The following TPM1 variants were observed in gnomAD, a reference collection of about 807,000 sequenced individuals.
TPM1 encodes the protein tropomyosin alpha-1 chain.
TPM1 carries 24 observed loss-of-function variants against 42.9 expected under a neutral mutation model. The ratio of observed to expected loss-of-function variants is 0.56; its 90% CI spans 0.41 to 0.79. The LOEUF (loss-of-function observed/expected upper bound fraction) is 0.79. Among genes scored for constraint, TPM1 ranks in the 30% least tolerant of loss-of-function variants. TPM1 has a pLI of 0.00. For synonymous variants in TPM1, 136 were observed against 130.1 expected (o/e 1.05, Z -0.31); for missense variants, 158 against 351.8 (o/e 0.45, Z 4.41).
intron 7 of TPM1, 119 bp downstream of exon 7, chr15:63,062,396 C>T (rs1041229460): frequency 4.6e-6 from 6 of 1,302,756 alleles, no homozygotes; most frequent in Middle Eastern, 3.6e-4. Context: ...ATTCAAAGGT[C>T]GCCTTGGAGT....
Position 63,044,155 on chromosome 15 carries a change from A to C in TPM1, c.240+3A>C, listed in dbSNP as rs1555403436. 1 of 1,614,184 alleles carries C rather than the reference A, an allele frequency of 6.2e-7. No homozygotes were observed. The highest frequency in any genetic ancestry group is 8.5e-7 in the Non-Finnish European group (1 of 1,180,036). On this transcript the variant is annotated splice_donor_region_variant and intron_variant, in intron 2 of 9. Transcript: ENST00000403994. ...TGGCAGAGAAAAAGGCCACCGATGTAAGTGCACGCTCACACTGCTTCCCTC... is the reference window on the plus strand; with the variant it reads ...TGGCAGAGAAAAAGGCCACCGATGTCAGTGCACGCTCACACTGCTTCCCTC...
chr15:63,063,611 C>A (rs2035937092), intron 8 of TPM1, among the ~76,000 whole-genome samples: 1 of 152,186 alleles, frequency 6.6e-6, no homozygotes, highest in Non-Finnish European at 1.5e-5. Flanking sequence ...GCTGTAGTCA[C>A]AAATTGTTCT....
Position 63,056,991 on chromosome 15 carries a change from GC to G in TPM1, c.249del (p.Asp84ThrfsTer2). On this transcript the variant is annotated frameshift_variant, in exon 3 of 10. Transcript: ENST00000403994. LOFTEE classifies it high-confidence loss of function. ...CTTTTCACTCTCTACCTAGGCTGAA[GC>G]CGACGTAGCTTCTCTGAACAGACGC... is the stretch of plus-strand genomic sequence containing the variant. ...LAEKKATDAE[A>X]DVASLNRRIQ... The G allele has an allele frequency of 1.2e-6, 2 of 1,614,208 alleles. No homozygotes were observed. Among genetic ancestry groups the G allele is most frequent in the Non-Finnish European group, 1.7e-6 (2 of 1,180,038 alleles).
At chr15:63,052,870 A>G (rs2034159807) in intron 2 of TPM1, among the ~76,000 whole-genome samples, 1 of 152,232 alleles carries the variant, frequency 6.6e-6, no homozygotes. Context: ...AAAATAAGAA[A>G]GAGAAAAAAG....
At chr15:63,058,090 A>G (rs1381957236) in intron 3 of TPM1, among the ~76,000 whole-genome samples, 1 of 152,214 alleles carries the variant, frequency 6.6e-6, no homozygotes, top group Non-Finnish European at 1.5e-5. Flanking sequence ...TTTTTAGGCC[A>G]TTATTCACCG....
At chr15:63,053,931 G>C (rs538885809) in intron 2 of TPM1, among the ~76,000 whole-genome samples, 1 of 151,778 alleles carries the variant, frequency 6.6e-6, no homozygotes, top group Admixed American at 6.6e-5. Flanking sequence ...TGCCCGCCTC[G>C]GCCTCCCAAA....
chr15:63,070,583 G>C, downstream of TPM1: 1 of 1,008,272 alleles, frequency 9.9e-7, no homozygotes, highest in Non-Finnish European at 1.2e-6. Context: ...CATGAAACAT[G>C]TTGACAATTT....
intron 1 of TPM1, chr15:63,043,218 A>G (rs1458756019): frequency 5.8e-6 from 3 of 518,698 alleles, no homozygotes; most frequent in Non-Finnish European, 1.1e-5. Flanking sequence ...AGGACTGGGA[A>G]TCAGTTTGGG....
chr15:63,044,518 A>C (rs369908659), intron 2 of TPM1: 1 of 519,218 alleles, frequency 1.9e-6, no homozygotes, highest in Non-Finnish European at 3.4e-6. Context: ...GGTTTTCTTC[A>C]CTTTCTTTCC....
In TPM1 at chr15:63,064,503, A is replaced by AT. The variant is rs2036050053; in HGVS notation, c.851+364dup. 4.5e-6 allele frequency: 5 copies of AT among 1,099,288 alleles called. No individual in the cohort carries two copies. In the South Asian group the frequency reaches 1.3e-4, roughly 30 times the overall value. 68.1% of individuals were successfully genotyped at this position (1,099,288 alleles called of 1,614,324 possible). A position where few individuals can be genotyped will look rare whatever the true frequency, so the allele number is the denominator to read the frequency against. ...CAGGAACTTCTCAAAAAATATCAAA[A>AT]TTTGTTTCCTGAAATTCAACTAAGT... On this transcript the variant is annotated intron_variant, in intron 9 of 9. Transcript: ENST00000403994.
intron 2 of TPM1, chr15:63,056,559 C>T (rs183926226): frequency 1.1e-3 from 239 of 227,392 alleles, no homozygotes; most frequent in African/African-American, 5.4e-3. Context: ...CCCAACTACT[C>T]GGGAGGCTGA....
At chr15:63,048,734 GC>G (rs1596321260) in intron 2 of TPM1, 1 of 1,526,232 alleles carries the variant, frequency 6.6e-7, no homozygotes, top group South Asian at 1.2e-5. Context: ...TCACCCCGCA[GC>G]CCCCAGAGGC....
At chr15:63,044,218 G>A in intron 2 of TPM1, 66 bp downstream of exon 2, 1 of 1,612,858 alleles carries the variant, frequency 6.2e-7, no homozygotes, top group Non-Finnish European at 8.5e-7. Context: ...GTCACCACAG[G>A]GCTGGAGAGC....
In TPM1 at chr15:63,062,485, T is replaced by C. The variant is rs976171947; in HGVS notation, c.703-91T>C. ...AGTTTCTGATCCATTTTATAGGTGA[T>C]GTGCTTCATTTTCATCCTCTAGTTT... On this transcript the variant is annotated intron_variant, in intron 7 of 9. Coordinates refer to ENST00000403994, the MANE Select transcript of TPM1 (RefSeq NM_001018005.2). The C allele has an allele frequency of 1.2e-5, 17 of 1,458,542 alleles. No homozygotes were observed. The African/African-American group carries it at 2.4e-4, about 20-fold the overall frequency. 90.4% of individuals were successfully genotyped at this position (1,458,542 alleles called of 1,614,324 possible). A position where few individuals can be genotyped will look rare whatever the true frequency, so the allele number is the denominator to read the frequency against.
chr15:63,061,312 C>T (rs1399386311), intron 5 of TPM1: 21 of 1,597,584 alleles, frequency 1.3e-5, no homozygotes, highest in Non-Finnish European at 1.8e-5. Context: ...TTAACTGCAA[C>T]CCAGACATCT....
At chr15:63,063,292 A>G (rs1400111202) in intron 8 of TPM1, 1 of 985,360 alleles carries the variant, frequency 1.0e-6, no homozygotes, top group Non-Finnish European at 1.2e-6. Context: ...AGAAGGGATT[A>G]GAGAAGGAAC....
chr15:63,066,228 A>C, downstream of TPM1: 1 of 1,267,472 alleles, frequency 7.9e-7, no homozygotes, highest in Non-Finnish European at 1.0e-6. Context: ...ACTGAACACT[A>C]TACAGAATTA....
intron 2 of TPM1, chr15:63,046,584 T>C (rs2032426119): frequency 6.6e-6 from 1 of 152,482 alleles, no homozygotes; most frequent in Non-Finnish European, 1.5e-5. Flanking sequence ...GTATCCCTGA[T>C]GGTCTTGTTT....
chr15:63,060,404 C>T lies in TPM1; in HGVS notation c.493-465C>T, dbSNP rs149335869. 2.3e-3 allele frequency among the ~76,000 whole-genome samples: 353 copies of T among 152,222 alleles called. 2 individuals are homozygous for T. Among genetic ancestry groups the T allele is most frequent in the African/African-American group, 7.1e-3 (296 of 41,526 alleles). On this transcript the variant is annotated intron_variant, in intron 4 of 9. Coordinates refer to ENST00000403994, the MANE Select transcript of TPM1 (RefSeq NM_001018005.2). ...AATTTGATTTTGTCAGTTATCTCACCAACTTGTCTCACGTTAGTGTCTCTT... is the reference window on the plus strand; with the variant it reads ...AATTTGATTTTGTCAGTTATCTCACTAACTTGTCTCACGTTAGTGTCTCTT...
Sources: gnomAD v4.1 joint callset for allele counts (sites outside exome capture counted in the v4.1 genomes callset) on GRCh38, gnomAD v4.1.1 for gene constraint, MANE v1.5 for transcripts, NCBI Gene and HGNC (gene_info 2026-07-23, HGNC 2026-07-21) for gene names.